Variants in SARDH observed in about 807,000 individuals in gnomAD.
The protein encoded by SARDH is sarcosine dehydrogenase.
Under a neutral mutation model 109.1 loss-of-function variants are expected in SARDH, and 95 were observed. The observed-to-expected ratio is 0.87, with a 90% CI of 0.74 to 1.03. SARDH has a LOEUF of 1.03. SARDH is among the 50% of genes least tolerant of loss of function. The probability of loss-of-function intolerance (pLI) is 0.00; values close to 1 mark genes in which losing one functional copy is unlikely to be tolerated. For missense variants in SARDH, 1,267 were observed against 1,287.8 expected (o/e 0.98, Z 0.25); for synonymous variants, 572 against 534.8 (o/e 1.07, Z -0.96).
chr9:133,722,982 T>C (rs957774810), intron 6 of SARDH, among the ~76,000 whole-genome samples: 2 of 152,192 alleles, frequency 1.3e-5, no homozygotes, highest in African/African-American at 4.8e-5. Flanking sequence ...ATTTCTATAC[T>C]CTAGCATTGA....
chr9:133,671,509 C>A, intron 18 of SARDH, 26 bp downstream of exon 18: 1 of 1,570,232 alleles, frequency 6.4e-7, no homozygotes, highest in Non-Finnish European at 8.7e-7. Flanking sequence ...CGCCCCCGCC[C>A]CGTGCTGTCC....
intron 17 of SARDH, 35 bp downstream of exon 17, chr9:133,685,141 TCACACCATGCTGCCACC>T (rs1179113178): frequency 1.4e-6 from 2 of 1,399,612 alleles, no homozygotes; most frequent in Non-Finnish European, 2.0e-6. Flanking sequence ...GGCGCACCCC[TCACACCATGCTGCCACC>T]CACGACCCAG....
chr9:133,675,747 G>A (rs796587505), intron 17 of SARDH, among the ~76,000 whole-genome samples: 15 of 152,336 alleles, frequency 9.8e-5, no homozygotes, highest in African/African-American at 3.4e-4. Flanking sequence ...CATATTCACA[G>A]GGTTATTCAC....
rs1830068112 is a variant in SARDH at position 133,666,503 on chromosome 9, CCCTCTCCCTCCTCCTCCTCCTT to C, written c.2631+210_2631+231del. ...CCCCTTCTCCTTCTCCCTCCCTCCT[CCCTCTCCCTCCTCCTCCTCCTT>C]CCTCTCTCCCCTTTTTCCTTCCCCC... On this transcript the variant is annotated intron_variant, in intron 20 of 20. Transcript: ENST00000439388. This position sits in a 1 kb window ranked among gnomAD's most constrained non-coding sequence, Gnocchi z 5.2. Among the ~76,000 whole-genome samples, 2 of 150,800 alleles carry C rather than the reference CCCTCTCCCTCCTCCTCCTCCTT, an allele frequency of 1.3e-5. No individual in the cohort carries two copies. Among genetic ancestry groups the C allele is most frequent in the African/African-American group, 4.9e-5 (2 of 41,124 alleles).
chr9:133,673,720 C>G (rs145090005), intron 17 of SARDH, among the ~76,000 whole-genome samples: 1 of 152,218 alleles, frequency 6.6e-6, no homozygotes, highest in East Asian at 1.9e-4. Context: ...GCCTTGTCAA[C>G]GGGGTTCTAA....
At chr9:133,717,485 G>T (rs372429350) in intron 7 of SARDH, 30 bp from the exon 8 acceptor site, 1 of 1,612,948 alleles carries the variant, frequency 6.2e-7, no homozygotes, top group East Asian at 2.2e-5. Context: ...GAACATCTCC[G>T]TTGTCCCCAA....
downstream of SARDH, among the ~76,000 whole-genome samples, chr9:133,663,218 TGAG>T (rs1314824269): frequency 3.9e-5 from 6 of 152,084 alleles, no homozygotes; most frequent in Non-Finnish European, 1.5e-5. Flanking sequence ...TCTGTGTGGG[TGAG>T]GAGGGCACCA....
intron 12 of SARDH, 47 bp from the exon 13 acceptor site, chr9:133,703,076 C>T (rs1382507405): frequency 1.3e-6 from 2 of 1,515,184 alleles, no homozygotes; most frequent in Non-Finnish European, 1.8e-6. Context: ...TGGCCCCTCC[C>T]CGCTTCCCTC....
At chr9:133,681,823 G>T (rs951806788) in intron 17 of SARDH, among the ~76,000 whole-genome samples, 1 of 152,248 alleles carries the variant, frequency 6.6e-6, no homozygotes, top group East Asian at 1.9e-4. Flanking sequence ...CTCCTTATGC[G>T]TGTAGCACCT....
intron 17 of SARDH, among the ~76,000 whole-genome samples, chr9:133,672,851 T>C (rs759697642): frequency 6.6e-6 from 1 of 152,182 alleles, no homozygotes; most frequent in African/African-American, 2.4e-5. Flanking sequence ...AGGCCCAGCG[T>C]TGGGCAGCGG....
downstream of SARDH, among the ~76,000 whole-genome samples, chr9:133,660,608 C>A (rs895852678): frequency 1.3e-5 from 2 of 152,198 alleles, no homozygotes; most frequent in African/African-American, 4.8e-5. Context: ...TGCTGTGTGA[C>A]CCTGAGTTAG....
intron 17 of SARDH, among the ~76,000 whole-genome samples, chr9:133,683,261 C>G (rs1006317663): frequency 6.6e-5 from 10 of 152,174 alleles, no homozygotes; most frequent in African/African-American, 2.4e-4. Context: ...GAACAAGTCC[C>G]AGCAGCTTGC....
Position 133,718,907 on chromosome 9 carries a change from C to T in SARDH, c.1020+31G>A. On this transcript the variant is annotated intron_variant, in intron 7 of 20. Transcript: ENST00000439388. This position sits in a 1 kb window ranked among gnomAD's most constrained non-coding sequence, Gnocchi z 4.2. Reference sequence around the variant, plus strand: ...CATGCTGAGATGCAGCCCCAACTCCCTCCCATTATCCCAGGGCCCTGGCAT... The same window carrying T: ...CATGCTGAGATGCAGCCCCAACTCCTTCCCATTATCCCAGGGCCCTGGCAT... 4 of 1,530,268 alleles carry T rather than the reference C, an allele frequency of 2.6e-6. No individual in the cohort carries two copies. Among genetic ancestry groups the T allele is most frequent in the Non-Finnish European group, 3.6e-6 (4 of 1,104,144 alleles). 94.8% of individuals were successfully genotyped at this position (1,530,268 alleles called of 1,614,324 possible). A position where few individuals can be genotyped will look rare whatever the true frequency, so the allele number is the denominator to read the frequency against.
At chr9:133,725,960 C>A (rs967413267) in intron 6 of SARDH, among the ~76,000 whole-genome samples, 4 of 152,168 alleles carry the variant, frequency 2.6e-5, no homozygotes, top group Admixed American at 1.3e-4. Flanking sequence ...GACATTCTGG[C>A]AGATGCTTCC....
rs549594860 is a variant in SARDH at position 133,677,618 on chromosome 9, C to T, written c.2164-5921G>A. Among the ~76,000 whole-genome samples the T allele has an allele frequency of 2.6e-5, 4 of 152,354 alleles. No homozygotes were observed. In the East Asian group the frequency reaches 7.7e-4, roughly 29 times the overall value. On this transcript the variant is annotated intron_variant, in intron 17 of 20. Transcript: ENST00000439388. Reference sequence around the variant, plus strand: ...ACATGTCTGTTATTATCAGATGTAGCTCTGCAAATAAAGGGTTGGGGCAGG... The same window carrying T: ...ACATGTCTGTTATTATCAGATGTAGTTCTGCAAATAAAGGGTTGGGGCAGG...
At chr9:133,679,811 C>T (rs1016988940) in intron 17 of SARDH, among the ~76,000 whole-genome samples, 18 of 152,222 alleles carry the variant, frequency 1.2e-4, no homozygotes, top group African/African-American at 3.9e-4. Flanking sequence ...GCGCCCAATT[C>T]GTCTGGTGGT....
intron 18 of SARDH, among the ~76,000 whole-genome samples, chr9:133,671,023 C>T (rs1830328555): frequency 1.3e-5 from 2 of 152,132 alleles, no homozygotes; most frequent in African/African-American, 4.8e-5. Flanking sequence ...GGGAGCTTCC[C>T]AATGCCCAAG....
rs1444110740 is a variant in SARDH at position 133,734,004 on chromosome 9, T to G, written c.170A>C (p.Gln57Pro). 2 of 1,612,970 alleles carry G rather than the reference T, an allele frequency of 1.2e-6. No homozygotes were observed. The highest frequency in any genetic ancestry group is 1.3e-5 in the African/African-American group (1 of 75,068). Residue 57 changes from glutamine (Q) to proline (P), a missense_variant, in exon 2 of 21, where the codon CAA becomes CCA. Physicochemically the swap from Gln to Pro is moderately conservative, Grantham distance 76. Coordinates refer to ENST00000439388, the MANE Select transcript of SARDH (RefSeq NM_001134707.2). ...KEGQGTSVVA[Q>P]GPSRPLPSTA... Reference sequence around the variant, plus strand: ...GCTGGGCAGGGGCCGGCTTGGGCCTTGGGCCACCACCGAGGTGCCCTGTCC... The same window carrying G: ...GCTGGGCAGGGGCCGGCTTGGGCCTGGGGCCACCACCGAGGTGCCCTGTCC...
rs28604501 is a variant in SARDH, at chr9:133,671,517, T to G, written c.2326+18A>C. ...CTGCGCCCGCCCCCGCCCCGTGCTG[T>G]CCAGACCCTGCACTCACCTTTCTCA... On this transcript the variant is annotated intron_variant, in intron 18 of 20. Transcript: ENST00000439388. 7 of 1,593,208 alleles carry G rather than the reference T, an allele frequency of 4.4e-6. No individual in the cohort carries two copies. The highest frequency in any genetic ancestry group is 6.0e-6 in the Non-Finnish European group (7 of 1,169,214).
Sources: gnomAD v4.1 joint callset for allele counts (sites outside exome capture counted in the v4.1 genomes callset) on GRCh38, gnomAD v4.1.1 for gene constraint, Gnocchi (gnomAD v3.1) non-coding constraint, MANE v1.5 for transcripts, NCBI Gene and HGNC (gene_info 2026-07-23, HGNC 2026-07-21) for gene names.